Variants in GFM2 observed in about 807,000 individuals in gnomAD.
GFM2 encodes GTP dependent ribosome recycling factor mitochondrial 2.
Under a neutral mutation model 95.4 loss-of-function variants are expected in GFM2, and 72 were observed. That is an observed-to-expected ratio of 0.76 (90% CI 0.62 to 0.92). The LOEUF (loss-of-function observed/expected upper bound fraction) is 0.92, where lower values mean the gene tolerates loss of function less well. Among genes scored for constraint, GFM2 ranks in the 40% least tolerant of loss-of-function variants. The pLI is 0.00. For missense variants in GFM2, 825 were observed against 924.1 expected, an observed-to-expected ratio of 0.89 and a Z score of 1.39; for synonymous variants, 276 against 317.5, an observed-to-expected ratio of 0.87 and a Z score of 1.39.
At position 74,760,894 on chromosome 5, in the gene GFM2, A is replaced by G. The variant is rs767729351; in HGVS notation, c.148+8T>C. On this transcript the variant is annotated splice_region_variant and intron_variant, in intron 3 of 20. Transcript: ENST00000296805. ...TTAGATAAAATTAGAAGACTCTAAC[A>G]TTTGTACCTGGTAGAGAACTGCAAT... 9.0e-6 allele frequency: 14 copies of G among 1,559,118 alleles called. No homozygotes were observed. Among genetic ancestry groups the G allele is most frequent in the African/African-American group, 4.1e-5 (3 of 73,120 alleles).
intron 7 of GFM2, among the ~76,000 whole-genome samples, chr5:74,749,252 C>A (rs1316493348): frequency 6.6e-6 from 1 of 151,964 alleles, no homozygotes; most frequent in African/African-American, 2.4e-5. Flanking sequence ...TGGGCTCAAG[C>A]GAACCCACCT....
rs1743040166 is a variant in GFM2 at position 74,740,110 on chromosome 5, G to C, written c.958C>G (p.Leu320Val). ...KLQTAIHRVT[L>V]AQTAVPVLCG... ...AGCACAGGCACTGCTGTCTGAGCTA[G>C]TGTCACTCTATGTATTGCAGTCTGT... The change falls in exon 12 of 21, where the codon CTA becomes GTA. Residue 320 changes from leucine (L) to valine (V), a missense_variant. Coordinates refer to ENST00000296805, the MANE Select transcript of GFM2 (RefSeq NM_032380.5). 1 of 1,605,706 alleles carries C rather than the reference G, an allele frequency of 6.2e-7. No individual in the cohort carries two copies. Among genetic ancestry groups the C allele is most frequent in the Non-Finnish European group, 8.5e-7 (1 of 1,177,066 alleles).
chr5:74,735,793 T>A (rs1579984083), intron 15 of GFM2, among the ~76,000 whole-genome samples: 1 of 151,988 alleles, frequency 6.6e-6, no homozygotes, highest in Non-Finnish European at 1.5e-5. Context: ...AAGAAGAGGG[T>A]CAAAATGAAG....
chr5:74,741,571 T>C lies in GFM2; in HGVS notation c.888A>G (p.Leu296=). 1 of 1,589,850 alleles carries C rather than the reference T, an allele frequency of 6.3e-7. No homozygotes were observed. The highest frequency in any genetic ancestry group is 8.6e-7 in the Non-Finnish European group (1 of 1,161,990). Residue 296 remains leucine, a synonymous_variant, in exon 11 of 21, where the codon TTA becomes TTG. Transcript: ENST00000296805. ...AATCAAAATTCTCACTAAATTCTTCTAAAACCAAGTCAGCAAATTCATCAT... is the reference window on the plus strand; with the variant it reads ...AATCAAAATTCTCACTAAATTCTTCCAAAACCAAGTCAGCAAATTCATCAT... The part of the protein sequence containing the change: ...DLDDEFADLV[L]EEFSENFDLL...
chr5:74,759,216 G>A (rs1400919455), intron 4 of GFM2, among the ~76,000 whole-genome samples, 153 bp downstream of exon 4: 1 of 150,498 alleles, frequency 6.6e-6, no homozygotes, highest in Non-Finnish European at 1.5e-5. Flanking sequence ...CATTAATTGA[G>A]AAAAAATAGC....
intron 19 of GFM2, among the ~76,000 whole-genome samples, chr5:74,724,250 ATT>A (rs1248764609): frequency 6.6e-6 from 1 of 152,186 alleles, no homozygotes; most frequent in East Asian, 1.9e-4. Flanking sequence ...AGGCCAATAT[ATT>A]GAGGGCTTGG....
chr5:74,725,565 A>T (rs1271538133), intron 19 of GFM2, 75 bp downstream of exon 19: 4 of 947,972 alleles, frequency 4.2e-6, no homozygotes, highest in Non-Finnish European at 6.8e-6. Context: ...CTGTAAACAC[A>T]GCTGTCTGCA....
At chr5:74,737,282 T>C (rs928090039) in intron 14 of GFM2, among the ~76,000 whole-genome samples, 6 of 152,186 alleles carry the variant, frequency 3.9e-5, no homozygotes, top group African/African-American at 1.4e-4. Context: ...TTTTCAATCA[T>C]GACAAGACAG....
intron 17 of GFM2, among the ~76,000 whole-genome samples, chr5:74,728,088 A>T (rs992624928): frequency 3.9e-5 from 6 of 152,090 alleles, no homozygotes; most frequent in Admixed American, 1.3e-4. Context: ...CATATGTGAG[A>T]TCATGCCCAT....
intron 14 of GFM2, 49 bp downstream of exon 14, chr5:74,738,269 A>C: frequency 7.0e-7 from 1 of 1,424,746 alleles, no homozygotes; most frequent in East Asian, 2.3e-5. Context: ...CTTACTTGTA[A>C]TTAAATATTT....
chr5:74,747,537 A>AT (rs888284307), intron 8 of GFM2, among the ~76,000 whole-genome samples, 155 bp downstream of exon 8: 2 of 152,172 alleles, frequency 1.3e-5, no homozygotes, highest in African/African-American at 4.8e-5. Context: ...GCTGCTTTGA[A>AT]TTTTTTTATG....
chr5:74,746,750 C>T (rs565608034), intron 8 of GFM2, among the ~76,000 whole-genome samples: 50 of 152,212 alleles, frequency 3.3e-4, no homozygotes, highest in African/African-American at 1.1e-3. Flanking sequence ...ATTTTCCAGT[C>T]ATATCCCTCC....
At position 74,767,080 on chromosome 5, in the gene GFM2, T is replaced by C. The variant is rs1206387400; in HGVS notation, c.-167A>G. 4 of 434,230 alleles carry C rather than the reference T, an allele frequency of 9.2e-6. No homozygotes were observed. The highest frequency in any genetic ancestry group is 6.0e-5 in the African/African-American group (3 of 49,634). The allele number at this position is 434,230 out of a possible 1,614,324, so 26.9% of individuals were successfully genotyped here. A position where few individuals can be genotyped will look rare whatever the true frequency, so the allele number is the denominator to read the frequency against. On this transcript the variant is annotated 5_prime_UTR_variant, in exon 1 of 21. Transcript: ENST00000296805. The stretch of plus-strand genomic sequence containing the variant: ...GCAATGTATCTAAACGAAAAGAAAA[T>C]AGGCTTTCTCCGCTCTACCGCCTCG...
In GFM2 at chr5:74,726,034, T is replaced by C; in HGVS notation, c.1819A>G (p.Ile607Val). The C allele has an allele frequency of 1.3e-6, 2 of 1,593,788 alleles. No individual in the cohort carries two copies. Among genetic ancestry groups the C allele is most frequent in the Non-Finnish European group, 1.7e-6 (2 of 1,165,850 alleles). Residue 607 changes from isoleucine to valine, a missense_variant, in exon 18 of 21, where the codon ATT (isoleucine) becomes GTT (valine). Coordinates refer to ENST00000296805, the MANE Select transcript of GFM2 (RefSeq NM_032380.5). ...PIETSSVMPV[I>V]EFEYAESINE... is the part of the protein sequence containing the mutation. ...ATACTTTCAGCATACTCAAACTCAA[T>C]CACAGGCATAACAGATGATGTTTCA...
At chr5:74,747,356 G>A (rs58054246) in intron 8 of GFM2, among the ~76,000 whole-genome samples, 3,640 of 152,184 alleles carry the variant, frequency 0.024, 145 homozygotes, top group African/African-American at 0.084. Context: ...GATGGGAAGC[G>A]CCATACCTTC....
intron 17 of GFM2, among the ~76,000 whole-genome samples, chr5:74,729,899 AACTG>A (rs1750333197): frequency 6.6e-6 from 1 of 152,174 alleles, no homozygotes; most frequent in Non-Finnish European, 1.5e-5. Context: ...TAAGTACTGA[AACTG>A]ACTTTCTACT....
chr5:74,725,879 T>C (rs1750122911), intron 18 of GFM2, 62 bp downstream of exon 18: 1 of 1,496,662 alleles, frequency 6.7e-7, no homozygotes, highest in Non-Finnish European at 9.2e-7. Context: ...TAATCTGTAA[T>C]ATAAGGAGTG....
At chr5:74,726,530 T>A (rs1337263304) in intron 17 of GFM2, among the ~76,000 whole-genome samples, 2 of 152,208 alleles carry the variant, frequency 1.3e-5, no homozygotes, top group African/African-American at 4.8e-5. Context: ...TAAACGACTT[T>A]AAATCCTGAC....
rs115239364 is a variant in GFM2 at position 74,728,104 on chromosome 5, C to A, written c.1727-1978G>T. Among the ~76,000 whole-genome samples the A allele has an allele frequency of 8.1e-3, 1,229 of 152,178 alleles. 8 individuals carry two copies. The highest frequency in any genetic ancestry group is 0.012 in the Non-Finnish European group (850 of 68,002). On this transcript the variant is annotated intron_variant, in intron 17 of 20. Transcript: ENST00000296805. ...ATATGTGAGATCATGCCCATCGCAC[C>A]TATTTTTGATCGTTTCTTGTTCCTT...
Sources: gnomAD v4.1 joint callset for allele counts (sites outside exome capture counted in the v4.1 genomes callset) on GRCh38, gnomAD v4.1.1 for gene constraint, MANE v1.5 for transcripts, NCBI Gene and HGNC (gene_info 2026-07-23, HGNC 2026-07-21) for gene names.